The following OCIAD1 variants were observed in gnomAD, a reference collection of about 807,000 sequenced individuals.
OCIAD1 encodes the protein OCIA domain-containing protein 1.
A neutral mutation model predicts 38.9 loss-of-function variants in OCIAD1; 29 were observed. That is an observed-to-expected ratio of 0.74 (90% CI 0.55 to 1.02). OCIAD1 has a LOEUF of 1.02. OCIAD1 is among the 50% of genes least tolerant of loss of function. The pLI, the probability that OCIAD1 is intolerant of heterozygous loss-of-function variation, is 0.00. For synonymous variants in OCIAD1, 110 were observed against 92.0 expected (o/e 1.20, Z -1.12); for missense variants, 288 against 289.6 (o/e 0.99, Z 0.04).
intron 1 of OCIAD1, among the ~76,000 whole-genome samples, chr4:48,808,469 C>T (rs371695579): frequency 6.6e-6 from 1 of 151,524 alleles, no homozygotes; most frequent in African/African-American, 2.4e-5. Context: ...GACCTTACTT[C>T]CAAAAAACAA....
At chr4:48,807,104 GAT>G (rs1323299337) in intron 1 of OCIAD1, among the ~76,000 whole-genome samples, 3 of 151,958 alleles carry the variant, frequency 2.0e-5, no homozygotes, top group Non-Finnish European at 4.4e-5. Context: ...ACAGAGTCTC[GAT>G]ATGTTACCCA....
At chr4:48,832,724 T>C in intron 2 of OCIAD1, 42 bp downstream of exon 2, 1 of 1,472,264 alleles carries the variant, frequency 6.8e-7, no homozygotes, top group Non-Finnish European at 9.5e-7. Context: ...GCACTTCCTA[T>C]GTAAAGGAAT....
intron 1 of OCIAD1, among the ~76,000 whole-genome samples, chr4:48,813,141 T>A (rs1170748299): frequency 6.6e-6 from 1 of 152,238 alleles, no homozygotes; most frequent in Non-Finnish European, 1.5e-5. Flanking sequence ...TAAGAGCCTG[T>A]GGAATTCCGA....
At chr4:48,851,725 A>G (rs1242521958) in intron 6 of OCIAD1, 81 bp from the exon 7 acceptor site, 11 of 718,100 alleles carry the variant, frequency 1.5e-5, no homozygotes, top group East Asian at 1.4e-4. Flanking sequence ...AATAAGCTAT[A>G]TGAAAGAAGT....
At chr4:48,807,218 T>C (rs1777037347) in intron 1 of OCIAD1, among the ~76,000 whole-genome samples, 1 of 152,048 alleles carries the variant, frequency 6.6e-6, no homozygotes, top group African/African-American at 2.4e-5. Flanking sequence ...CAGGTTCTGA[T>C]TGAGCAGGTC....
intron 1 of OCIAD1, among the ~76,000 whole-genome samples, chr4:48,811,063 T>A (rs781408568): frequency 7.2e-5 from 11 of 151,954 alleles, no homozygotes; most frequent in Non-Finnish European, 1.2e-4. Flanking sequence ...TGTCATGTTG[T>A]CCAGGCTGGT....
chr4:48,823,685 G>C (rs1019439565), intron 1 of OCIAD1, among the ~76,000 whole-genome samples: 8 of 151,426 alleles, frequency 5.3e-5, no homozygotes, highest in African/African-American at 1.9e-4. Context: ...TTTTTTTAGA[G>C]AAGGTCTTGT....
intron 8 of OCIAD1, among the ~76,000 whole-genome samples, chr4:48,858,046 C>T (rs1272512026): frequency 6.6e-5 from 10 of 151,926 alleles, no homozygotes; most frequent in South Asian, 4.2e-4. Flanking sequence ...CCTAGCTACT[C>T]GGGAGGCTGA....
intron 4 of OCIAD1, among the ~76,000 whole-genome samples, chr4:48,846,196 T>TA (rs1486256103): frequency 1.3e-5 from 2 of 152,240 alleles, no homozygotes; most frequent in African/African-American, 4.8e-5. Context: ...CTTTTTAATG[T>TA]AAAAATAGAG....
intron 3 of OCIAD1, among the ~76,000 whole-genome samples, chr4:48,836,404 G>T (rs1233258879): frequency 1.3e-5 from 2 of 152,212 alleles, no homozygotes; most frequent in Non-Finnish European, 2.9e-5. Flanking sequence ...TTTAGAAGGA[G>T]TTCTTGTTTG....
At chr4:48,818,053 C>T (rs1284802538) in intron 1 of OCIAD1, among the ~76,000 whole-genome samples, 3 of 152,188 alleles carry the variant, frequency 2.0e-5, no homozygotes, top group Non-Finnish European at 2.9e-5. Context: ...ATTCTCCCAG[C>T]GCAGTGCACC....
chr4:48,813,564 G>A (rs569069504), intron 1 of OCIAD1, among the ~76,000 whole-genome samples: 2 of 152,360 alleles, frequency 1.3e-5, no homozygotes, highest in South Asian at 2.1e-4. Context: ...TGAGATGGGA[G>A]GCTCACTTGA....
At chr4:48,846,641 G>A (rs1374507023) in intron 4 of OCIAD1, among the ~76,000 whole-genome samples, 1 of 152,022 alleles carries the variant, frequency 6.6e-6, no homozygotes, top group Non-Finnish European at 1.5e-5. Flanking sequence ...CCAGCTACTT[G>A]GGAGGCTGAG....
chr4:48,855,718 A>G (rs1164721240), intron 7 of OCIAD1, among the ~76,000 whole-genome samples: 7 of 152,078 alleles, frequency 4.6e-5, no homozygotes, highest in African/African-American at 1.7e-4. Context: ...TGGGAGGCTC[A>G]GGCAGGACAA....
At chr4:48,845,827 A>T (rs1299184479) in intron 4 of OCIAD1, among the ~76,000 whole-genome samples, 1 of 152,218 alleles carries the variant, frequency 6.6e-6, no homozygotes, top group Non-Finnish European at 1.5e-5. Context: ...TAGCTCTTAA[A>T]TGTCTTTATT....
intron 3 of OCIAD1, among the ~76,000 whole-genome samples, chr4:48,840,823 C>T (rs1467625677): frequency 6.8e-6 from 1 of 146,280 alleles, no homozygotes; most frequent in African/African-American, 2.5e-5. Flanking sequence ...TTGGCGAAAC[C>T]TCATCTCTAC....
At chr4:48,828,335 C>T (rs771670114), upstream of OCIAD1, among the ~76,000 whole-genome samples, 1 of 152,168 alleles carries the variant, frequency 6.6e-6, no homozygotes, top group African/African-American at 2.4e-5. Context: ...CCAATCAGCT[C>T]TCTGTACAAT....
intron 3 of OCIAD1, among the ~76,000 whole-genome samples, chr4:48,837,409 C>T (rs1445457010): frequency 6.6e-6 from 1 of 151,852 alleles, no homozygotes; most frequent in Non-Finnish European, 1.5e-5. Context: ...TCTCCTGCCT[C>T]AGCTTCCCAA....
chr4:48,812,930 C>A (rs1777105874), intron 1 of OCIAD1, among the ~76,000 whole-genome samples: 1 of 152,046 alleles, frequency 6.6e-6, no homozygotes, highest in Non-Finnish European at 1.5e-5. Flanking sequence ...GAGGTGGGTA[C>A]CTTGAGTAGG....
Sources: allele counts gnomAD v4.1 joint callset (sites outside exome capture counted in the v4.1 genomes callset), GRCh38; gene constraint gnomAD v4.1.1; transcripts MANE v1.5; gene names NCBI Gene and HGNC (gene_info 2026-07-23, HGNC 2026-07-21).